The following RBP3 variants were observed in gnomAD, a reference collection of about 807,000 sequenced individuals.
RBP3 encodes retinol-binding protein 3.
Under a neutral mutation model 64.8 loss-of-function variants are expected in RBP3, and 50 were observed. The ratio of observed to expected loss-of-function variants is 0.77; its 90% CI spans 0.61 to 0.98. The LOEUF (loss-of-function observed/expected upper bound fraction) is 0.98. RBP3 is among the 50% of genes least tolerant of loss of function. The probability of loss-of-function intolerance (pLI) is 0.00; values close to 1 mark genes in which losing one functional copy is unlikely to be tolerated. For missense variants in RBP3, 1,712 were observed against 1,660.5 expected (o/e 1.03, Z -0.54); for synonymous variants, 828 against 730.2 (o/e 1.13, Z -2.16).
rs1555211441 is a variant in RBP3, at chr10:47,350,766, G to A, written c.2282G>A (p.Gly761Glu). 6.2e-7 allele frequency: 1 copy of A among 1,613,194 alleles called. No homozygotes were observed. Among genetic ancestry groups the A allele is most frequent in the Non-Finnish European group, 8.5e-7 (1 of 1,180,028 alleles). The part of the protein sequence containing the change: ...MAELETVKAV[G>E]PQLVRLVWQQ... Reference sequence around the variant, plus strand: ...GAACTGGAGACAGTGAAGGCCGTGGGGCCACAGCTGGTGCGGCTGGTATGG... The same window carrying A: ...GAACTGGAGACAGTGAAGGCCGTGGAGCCACAGCTGGTGCGGCTGGTATGG... Residue 761 changes from glycine (G) to glutamate (E), a missense_variant, in exon 1 of 4, where the codon GGG (glycine) becomes GAG (glutamate). Gly to Glu is a moderately conservative substitution (Grantham distance 98, BLOSUM62 -2). Transcript: ENST00000584701.
Position 47,350,168 on chromosome 10 carries a change from G to A in RBP3, c.1684G>A (p.Ala562Thr). Residue 562 changes from alanine (A) to threonine (T), a missense_variant, in exon 1 of 4, where the codon GCC (alanine) becomes ACC (threonine). Ala to Thr is a moderately conservative substitution (Grantham distance 58). Transcript: ENST00000584701. ...FAFLMQSLGW[A>T]TLVGEITAGN... ...CTTCCTTATGCAGTCGCTGGGCTGGGCCACACTGGTAGGTGAGATCACCGC... is the reference window on the plus strand; with the variant it reads ...CTTCCTTATGCAGTCGCTGGGCTGGACCACACTGGTAGGTGAGATCACCGC... 6.2e-7 allele frequency: 1 copy of A among 1,612,346 alleles called. No individual in the cohort carries two copies. Among genetic ancestry groups the A allele is most frequent in the African/African-American group, 1.3e-5 (1 of 75,062 alleles).
In RBP3 at chr10:47,348,701, G is replaced by A. The variant is rs1555210876; in HGVS notation, c.217G>A (p.Val73Met). The change falls in exon 1 of 4, where the codon GTG becomes ATG. Residue 73 changes from valine to methionine, a missense_variant. Coordinates refer to ENST00000584701, the MANE Select transcript of RBP3 (RefSeq NM_002900.3). ...SISDPQTLAS[V>M]LTAGVQSSLN... Reference sequence around the variant, plus strand: ...CTCAGACCCGCAGACGCTGGCCAGTGTGCTGACAGCCGGGGTGCAGAGCTC... The same window carrying A: ...CTCAGACCCGCAGACGCTGGCCAGTATGCTGACAGCCGGGGTGCAGAGCTC... The A allele has an allele frequency of 1.9e-6, 3 of 1,613,630 alleles. No homozygotes were observed. Among genetic ancestry groups the A allele is most frequent in the Admixed American group, 3.3e-5 (2 of 60,034 alleles).
chr10:47,349,944 C>T lies in RBP3; in HGVS notation c.1460C>T (p.Ser487Phe), dbSNP rs1836933000. The change falls in exon 1 of 4, where the codon TCT becomes TTT. Residue 487 changes from serine (S) to phenylalanine (F), a missense_variant. By Grantham distance (155) the Ser-to-Phe change is radical (BLOSUM62 -2). Coordinates refer to ENST00000584701, the MANE Select transcript of RBP3 (RefSeq NM_002900.3). ...CGCCACAACCCTGGAGGGCCATCCT[C>T]TGCTGTGCCCCTGCTCCTGTCCTAC... is the stretch of plus-strand genomic sequence containing the variant. ...DLRHNPGGPSSAVPLLLSYFQ... is the reference protein window; with the variant it reads ...DLRHNPGGPSFAVPLLLSYFQ... The T allele has an allele frequency of 6.2e-7, 1 of 1,612,460 alleles. No homozygotes were observed. Among genetic ancestry groups the T allele is most frequent in the Admixed American group, 1.7e-5 (1 of 59,994 alleles).
intron 2 of RBP3, among the ~76,000 whole-genome samples, chr10:47,353,803 G>A (rs572193294): frequency 6.6e-6 from 1 of 152,344 alleles, no homozygotes; most frequent in Non-Finnish European, 1.5e-5. Context: ...ATTCAGTGGG[G>A]AGGAGAGGAA....
rs140857967 is a variant in RBP3 at position 47,350,224 on chromosome 10, G to A, written c.1740G>A (p.Pro580=). 1.8e-5 allele frequency: 29 copies of A among 1,608,638 alleles called. No homozygotes were observed. Among genetic ancestry groups the A allele is most frequent in the East Asian group, 6.7e-5 (3 of 44,878 alleles). The part of the protein sequence containing the change: ...AGNLLHTRTV[P]LLDTPEGSLA... Reference sequence around the variant, plus strand: ...ACCTGCTGCACACCCGCACGGTGCCGCTGCTGGACACACCCGAAGGCAGCC... The same window carrying A: ...ACCTGCTGCACACCCGCACGGTGCCACTGCTGGACACACCCGAAGGCAGCC... The change falls in exon 1 of 4, where the codon CCG becomes CCA. Residue 580 remains proline (P), a synonymous_variant. Transcript: ENST00000584701.
chr10:47,354,176 G>A (rs1304984692), intron 2 of RBP3, among the ~76,000 whole-genome samples: 1 of 152,218 alleles, frequency 6.6e-6, no homozygotes, highest in Non-Finnish European at 1.5e-5. Flanking sequence ...TATGTCATGA[G>A]TTTACCTCAT....
In RBP3 at chr10:47,351,239, C is replaced by T; in HGVS notation, c.2755C>T (p.Pro919Ser). The T allele has an allele frequency of 6.2e-7, 1 of 1,613,320 alleles. No homozygotes were observed. Among genetic ancestry groups the T allele is most frequent in the South Asian group, 1.1e-5 (1 of 91,090 alleles). ...TGGTGTGGAGCCCGACATCACTGTG[C>T]CCATGAGCGAAGCCCTTTCCATAGC... is the stretch of plus-strand genomic sequence containing the variant. ...LAGVEPDITV[P>S]MSEALSIAQD... Residue 919 changes from proline (P) to serine (S), a missense_variant, in exon 1 of 4, where the codon CCC (proline) becomes TCC (serine). Pro to Ser is a moderately conservative substitution (Grantham distance 74, BLOSUM62 -1). Transcript: ENST00000584701.
chr10:47,348,580 C>A lies in RBP3; in HGVS notation c.96C>A (p.Ala32=). The part of the protein sequence containing the change: ...LFQPSLVLDM[A]KVLLDNYCFP... ...AGCCAAGCCTGGTGCTGGACATGGCCAAGGTCCTCTTGGATAACTACTGCT... is the reference window on the plus strand; with the variant it reads ...AGCCAAGCCTGGTGCTGGACATGGCAAAGGTCCTCTTGGATAACTACTGCT... The change falls in exon 1 of 4, where the codon GCC becomes GCA. Residue 32 remains alanine (A), a synonymous_variant. Coordinates refer to ENST00000584701, the MANE Select transcript of RBP3 (RefSeq NM_002900.3). The A allele has an allele frequency of 6.2e-7, 1 of 1,613,338 alleles. No individual in the cohort carries two copies. The highest frequency in any genetic ancestry group is 8.5e-7 in the Non-Finnish European group (1 of 1,180,028).
rs782152099 is a variant in RBP3 at position 47,351,081 on chromosome 10, C to T, written c.2597C>T (p.Thr866Met). The change falls in exon 1 of 4, where the codon ACG (threonine) becomes ATG (methionine). Residue 866 changes from threonine (T) to methionine (M), a missense_variant. Thr to Met is a moderately conservative substitution (Grantham distance 81, BLOSUM62 -1). Transcript: ENST00000584701. ...ACCATGCAGGACCTGCAGCGGGCCA[C>T]GGTCATTGGGGAGCCCACGGCCGGA... ...AHTMQDLQRA[T>M]VIGEPTAGGA... 4.8e-5 allele frequency: 78 copies of T among 1,612,012 alleles called. No homozygotes were observed. Among genetic ancestry groups the T allele is most frequent in the East Asian group, 2.5e-4 (11 of 44,882 alleles).
At position 47,349,135 on chromosome 10, in the gene RBP3, G is replaced by A; in HGVS notation, c.651G>A (p.Leu217=). The A allele has an allele frequency of 6.2e-7, 1 of 1,614,004 alleles. No individual in the cohort carries two copies. Among genetic ancestry groups the A allele is most frequent in the South Asian group, 1.1e-5 (1 of 91,078 alleles). Reference sequence around the variant, plus strand: ...AGATCTGGACCTTGCCCCAGGTCCTGGGAGAAAGGTACGGTGCCGACAAGG... The same window carrying A: ...AGATCTGGACCTTGCCCCAGGTCCTAGGAGAAAGGTACGGTGCCGACAAGG... ...TTEIWTLPQV[L]GERYGADKDV... is the part of the protein sequence containing the mutation. The change falls in exon 1 of 4, where the codon CTG becomes CTA. Residue 217 remains leucine, a synonymous_variant. Transcript: ENST00000584701.
Position 47,357,257 on chromosome 10 carries a change from C to A in RBP3, c.3544C>A (p.His1182Asn). ...SGGCQPPQTY[H>N]VDDTNLYLTI... The stretch of plus-strand genomic sequence containing the variant: ...GGGCTGCCAGCCACCACAGACCTAC[C>A]ACGTGGATGACACCAACCTCTACCT... The change falls in exon 4 of 4, where the codon CAC becomes AAC. Residue 1182 changes from histidine (H) to asparagine (N), a missense_variant. Transcript: ENST00000584701. 1 of 1,614,128 alleles carries A rather than the reference C, an allele frequency of 6.2e-7. No homozygotes were observed. The highest frequency in any genetic ancestry group is 8.5e-7 in the Non-Finnish European group (1 of 1,180,042).
chr10:47,350,528 C>G lies in RBP3; in HGVS notation c.2044C>G (p.Leu682Val). Reference protein sequence around the residue: ...AYRTAVDLESLASQLTADLQE... With the variant: ...AYRTAVDLESVASQLTADLQE... ...CCGCACAGCTGTGGACTTGGAGTCT[C>G]TGGCCTCTCAGCTCACAGCAGACCT... The change falls in exon 1 of 4, where the codon CTG becomes GTG. Residue 682 changes from leucine to valine, a missense_variant. Transcript: ENST00000584701. 1 of 1,612,946 alleles carries G rather than the reference C, an allele frequency of 6.2e-7. No homozygotes were observed. The highest frequency in any genetic ancestry group is 8.5e-7 in the Non-Finnish European group (1 of 1,180,036).
chr10:47,353,645 T>A, intron 2 of RBP3, 130 bp downstream of exon 2: 1 of 1,076,952 alleles, frequency 9.3e-7, no homozygotes, highest in Non-Finnish European at 1.4e-6. Flanking sequence ...GGGCCAGGCC[T>A]CCTGCCTATC....
At position 47,357,209 on chromosome 10, in the gene RBP3, G is replaced by T. The variant is rs782707480; in HGVS notation, c.3496G>T (p.Val1166Phe). Residue 1166 changes from valine (V) to phenylalanine (F), a missense_variant, in exon 4 of 4, where the codon GTC becomes TTC. Val to Phe is a conservative substitution (Grantham distance 50). Coordinates refer to ENST00000584701, the MANE Select transcript of RBP3 (RefSeq NM_002900.3). ...YIMKRLGRAL[V>F]IGEVTSGGCQ... ...CATGAAGAGGCTGGGCCGGGCCCTG[G>T]TCATTGGGGAGGTGACCAGTGGGGG... The T allele has an allele frequency of 1.9e-6, 3 of 1,613,916 alleles. No individual in the cohort carries two copies. The African/African-American group carries it at 4.0e-5, about 22-fold the overall frequency.
rs1836924912 is a variant in RBP3, at chr10:47,349,679, C to A, written c.1195C>A (p.Pro399Thr). 6.2e-7 allele frequency: 1 copy of A among 1,611,470 alleles called. No homozygotes were observed. Among genetic ancestry groups the A allele is most frequent in the Non-Finnish European group, 8.5e-7 (1 of 1,180,028 alleles). Reference protein sequence around the residue: ...AIGPTETPSWPAPDAAAEDSP... With the variant: ...AIGPTETPSWTAPDAAAEDSP... Reference sequence around the variant, plus strand: ...CGGGCCCACAGAAACTCCTTCTTGGCCCGCGCCCGACGCTGCAGCCGAAGA... The same window carrying A: ...CGGGCCCACAGAAACTCCTTCTTGGACCGCGCCCGACGCTGCAGCCGAAGA... Residue 399 changes from proline to threonine, a missense_variant, in exon 1 of 4, where the codon CCC (proline) becomes ACC (threonine). Coordinates refer to ENST00000584701, the MANE Select transcript of RBP3 (RefSeq NM_002900.3).
At position 47,351,425 on chromosome 10, in the gene RBP3, C is replaced by T. The variant is rs1588863975; in HGVS notation, c.2941C>T (p.Leu981=). ...RYSRVTSEVA[L]AEILGADLQM... ...CTCCAGGGTGACCTCAGAAGTGGCC[C>T]TAGCCGAGATCCTGGGGGCTGACCT... The change falls in exon 1 of 4, where the codon CTA becomes TTA. Residue 981 remains leucine, a synonymous_variant. Coordinates refer to ENST00000584701, the MANE Select transcript of RBP3 (RefSeq NM_002900.3). The T allele has an allele frequency of 2.5e-6, 4 of 1,613,764 alleles. No individual in the cohort carries two copies. Among genetic ancestry groups the T allele is most frequent in the Non-Finnish European group, 3.4e-6 (4 of 1,180,042 alleles).
In RBP3 at chr10:47,351,460, C is replaced by T. The variant is rs1555211582; in HGVS notation, c.2976C>T (p.Leu992=). The T allele has an allele frequency of 8.1e-6, 13 of 1,613,862 alleles. No homozygotes were observed. Among genetic ancestry groups the T allele is most frequent in the Non-Finnish European group, 1.0e-5 (12 of 1,180,050 alleles). The change falls in exon 1 of 4, where the codon CTC becomes CTT. Residue 992 remains leucine (L), a synonymous_variant. Transcript: ENST00000584701. Reference sequence around the variant, plus strand: ...TCCTGGGGGCTGACCTGCAGATGCTCTCCGGAGACCCACACCTGAAGGCAG... The same window carrying T: ...TCCTGGGGGCTGACCTGCAGATGCTTTCCGGAGACCCACACCTGAAGGCAG... ...AEILGADLQM[L]SGDPHLKAAH...
In RBP3 at chr10:47,355,409, C is replaced by A; in HGVS notation, c.3279C>A (p.Pro1093=). 1 of 1,614,168 alleles carries A rather than the reference C, an allele frequency of 6.2e-7. No homozygotes were observed. The highest frequency in any genetic ancestry group is 8.5e-7 in the Non-Finnish European group (1 of 1,180,054). Residue 1093 remains proline, a synonymous_variant, in exon 3 of 4, where the codon CCC becomes CCA. Transcript: ENST00000584701. The part of the protein sequence containing the change: ...FNIGGPTSSI[P]ILCSYFFDEG... ...TCGGTGGCCCCACATCCTCCATTCC[C>A]ATCTTGTGCTCCTACTTCTTTGATG...
Position 47,353,410 on chromosome 10 carries a change from T to C in RBP3, c.3140T>C (p.Phe1047Ser), listed in dbSNP as rs781798688. ...GAGGACAACATTGGCTACTTGAGGT[T>C]TGACATGTTTGGGGACGGTGAGCTG... ...VLEDNIGYLR[F>S]DMFGDGELLT... Residue 1047 changes from phenylalanine to serine, a missense_variant, in exon 2 of 4, where the codon TTT becomes TCT. Phe to Ser is a radical substitution (Grantham distance 155). Coordinates refer to ENST00000584701, the MANE Select transcript of RBP3 (RefSeq NM_002900.3). 6.2e-7 allele frequency: 1 copy of C among 1,614,144 alleles called. No homozygotes were observed. The highest frequency in any genetic ancestry group is 8.5e-7 in the Non-Finnish European group (1 of 1,180,036).
Sources: gnomAD v4.1 joint callset for allele counts (sites outside exome capture counted in the v4.1 genomes callset) on GRCh38, gnomAD v4.1.1 for gene constraint, MANE v1.5 for transcripts, NCBI Gene and HGNC (gene_info 2026-07-23, HGNC 2026-07-21) for gene names.